Variants in COL5A2 observed in about 807,000 individuals in gnomAD.
COL5A2 encodes collagen alpha-2(V) chain.
COL5A2 carries 23 observed loss-of-function variants against 208.2 expected under a neutral mutation model. That is an observed-to-expected ratio of 0.11 (90% CI 0.08 to 0.16). The LOEUF is 0.16. Ranked by LOEUF, COL5A2 falls within the 10% of genes least tolerant of loss-of-function variation. The pLI is 1.00. For missense variants in COL5A2, 1,590 were observed against 1,956.4 expected (o/e 0.81, Z 3.53); for synonymous variants, 625 against 628.5 (o/e 0.99, Z 0.08).
At chr2:189,035,836 G>A (rs1350925152) in intron 52 of COL5A2, among the ~76,000 whole-genome samples, 1 of 151,974 alleles carries the variant, frequency 6.6e-6, no homozygotes, top group Admixed American at 6.6e-5. Flanking sequence ...GAAGTGAGAA[G>A]AAAATTTCAA....
intron 1 of COL5A2, among the ~76,000 whole-genome samples, chr2:189,154,690 T>A (rs1688210911): frequency 6.6e-6 from 1 of 151,792 alleles, no homozygotes; most frequent in African/African-American, 2.4e-5. Context: ...AGGCTGTTCT[T>A]GACTCAAGCA....
At chr2:189,397,938 C>A in the COL5A2 span, among the ~76,000 whole-genome samples, 3 of 151,942 alleles carry the variant, frequency 2.0e-5, no homozygotes, top group Non-Finnish European at 4.4e-5. Context: ...AAAAGTTTAT[C>A]TCTAAACAGG....
At chr2:189,245,400 GT>G in the COL5A2 span, among the ~76,000 whole-genome samples, 2 of 151,732 alleles carry the variant, frequency 1.3e-5, no homozygotes, top group African/African-American at 4.8e-5. Context: ...CTTAGTGATA[GT>G]TAATTTAAGA....
chr2:189,223,964 G>C (rs896601544), intron 1 of COL5A2, among the ~76,000 whole-genome samples: 1 of 151,966 alleles, frequency 6.6e-6, no homozygotes, highest in South Asian at 2.1e-4. Flanking sequence ...TCAATAAAAA[G>C]TTCAGTTAAG....
At chr2:189,292,161 T>A in the COL5A2 span, among the ~76,000 whole-genome samples, 272 of 152,334 alleles carry the variant, frequency 1.8e-3, no homozygotes, top group Non-Finnish European at 4.3e-4. Flanking sequence ...GATATCATTG[T>A]CAATATATAC....
chr2:189,063,913 A>G, intron 26 of COL5A2, 67 bp downstream of exon 26: 1 of 1,238,040 alleles, frequency 8.1e-7, no homozygotes, highest in Non-Finnish European at 1.2e-6. Flanking sequence ...ACCTAAATAA[A>G]TATCATTTAA....
chr2:189,116,601 T>C (rs1018030109), intron 1 of COL5A2, among the ~76,000 whole-genome samples: 2 of 152,200 alleles, frequency 1.3e-5, no homozygotes, highest in Non-Finnish European at 2.9e-5. Context: ...AGGATAAGTA[T>C]GTATGGGGTA....
chr2:189,149,064 C>T (rs531520893), intron 1 of COL5A2, among the ~76,000 whole-genome samples: 49 of 152,220 alleles, frequency 3.2e-4, no homozygotes, highest in Admixed American at 2.2e-3. Context: ...GACTTGAACC[C>T]GGAAGTCAGA....
chr2:189,339,407 A>T, the COL5A2 span, among the ~76,000 whole-genome samples: 6 of 152,154 alleles, frequency 3.9e-5, no homozygotes, highest in African/African-American at 1.2e-4. Flanking sequence ...AAATTGGAAA[A>T]CTGAGCCTAC....
At chr2:189,125,756 T>C (rs1687595834) in intron 1 of COL5A2, among the ~76,000 whole-genome samples, 1 of 152,102 alleles carries the variant, frequency 6.6e-6, no homozygotes, top group African/African-American at 2.4e-5. Context: ...CAGTAGGCTA[T>C]TAGTAGTTAA....
intron 7 of COL5A2, among the ~76,000 whole-genome samples, chr2:189,090,451 GA>G (rs1353492629): frequency 6.6e-6 from 1 of 152,230 alleles, no homozygotes. Flanking sequence ...AAGTTATCCA[GA>G]AGATCAAGTT....
At chr2:189,103,718 C>G (rs1188411388) in intron 3 of COL5A2, among the ~76,000 whole-genome samples, 1 of 152,006 alleles carries the variant, frequency 6.6e-6, no homozygotes, top group African/African-American at 2.4e-5. Context: ...AGATTTTAAG[C>G]TCTCTGAAGG....
chr2:189,291,294 A>C, the COL5A2 span, among the ~76,000 whole-genome samples: 1 of 152,154 alleles, frequency 6.6e-6, no homozygotes. Context: ...CTGAAAGGTT[A>C]AAGTTTCGCT....
At chr2:189,076,131 C>A (rs1179605364) in intron 16 of COL5A2, among the ~76,000 whole-genome samples, 1 of 152,128 alleles carries the variant, frequency 6.6e-6, no homozygotes. Context: ...TCTGAAAAAC[C>A]CTGCTTTTAT....
intron 1 of COL5A2, among the ~76,000 whole-genome samples, chr2:189,197,149 G>A (rs946830306): frequency 9.9e-5 from 15 of 152,276 alleles, no homozygotes; most frequent in African/African-American, 3.6e-4. Context: ...CATGGATGAA[G>A]CTGGAAGCCA....
intron 16 of COL5A2, among the ~76,000 whole-genome samples, chr2:189,077,305 C>T (rs1576511349): frequency 6.6e-6 from 1 of 152,270 alleles, no homozygotes; most frequent in Non-Finnish European, 1.5e-5. Context: ...AAGACCTAAA[C>T]ATCGGGTAGA....
At chr2:189,253,297 C>T in the COL5A2 span, among the ~76,000 whole-genome samples, 1 of 152,296 alleles carries the variant, frequency 6.6e-6, no homozygotes, top group African/African-American at 2.4e-5. Context: ...ACCTGTCTTG[C>T]CCAATTACTA....
the COL5A2 span, among the ~76,000 whole-genome samples, chr2:189,300,943 T>C: frequency 6.6e-6 from 1 of 152,106 alleles, no homozygotes; most frequent in South Asian, 2.1e-4. Flanking sequence ...TTCCAGCCCT[T>C]TGGGAGGCTG....
intron 29 of COL5A2, 101 bp downstream of exon 29, chr2:189,062,764 T>C (rs1039920833): frequency 1.5e-5 from 20 of 1,365,002 alleles, no homozygotes; most frequent in Non-Finnish European, 1.9e-5. Flanking sequence ...TCTTATTCAC[T>C]TTCCCTGAAA....
Sources: allele counts gnomAD v4.1 joint callset (sites outside exome capture counted in the v4.1 genomes callset), GRCh38; gene constraint gnomAD v4.1.1; transcripts MANE v1.5; gene names NCBI Gene and HGNC (gene_info 2026-07-23, HGNC 2026-07-21).